The following WDR43 variants were observed in gnomAD, a reference collection of about 807,000 sequenced individuals.
WDR43 encodes WD repeat-containing protein 43.
Under a neutral mutation model 91.4 loss-of-function variants are expected in WDR43, and 13 were observed. The observed-to-expected ratio is 0.14, with a 90% CI of 0.09 to 0.23. The LOEUF is 0.23. Among genes scored for constraint, WDR43 ranks in the 10% least tolerant of loss-of-function variants. The pLI is 1.00. For synonymous variants in WDR43, 331 were observed against 287.9 expected, an observed-to-expected ratio of 1.15 and a Z score of -1.51; for missense variants, 780 against 809.4, an observed-to-expected ratio of 0.96 and a Z score of 0.44.
chr2:28,922,827 TG>T, intron 6 of WDR43, 91 bp from the exon 7 acceptor site: 1 of 563,318 alleles, frequency 1.8e-6, no homozygotes, highest in Non-Finnish European at 2.8e-6. Context: ...GGTTGTGTAA[TG>T]GGGTGGGAAG....
At chr2:28,903,059 A>G (rs1184615653) in intron 2 of WDR43, among the ~76,000 whole-genome samples, 3 of 152,158 alleles carry the variant, frequency 2.0e-5, no homozygotes, top group South Asian at 4.1e-4. Flanking sequence ...TCTTTGCTTT[A>G]TACATACATT....
At chr2:28,924,371 T>C (rs1304227010) in intron 7 of WDR43, among the ~76,000 whole-genome samples, 1 of 152,102 alleles carries the variant, frequency 6.6e-6, no homozygotes, top group African/African-American at 2.4e-5. Flanking sequence ...GTGACAACAA[T>C]TGAAAAGATT....
rs371378758 is a variant in WDR43 at position 28,946,471 on chromosome 2, A to C, written c.1826A>C (p.Asp609Ala). Residue 609 changes from aspartate to alanine, a missense_variant, in exon 17 of 18, where the codon GAT becomes GCT. By Grantham distance (126) the Asp-to-Ala change is moderately radical (BLOSUM62 -2). Around this residue, in one of 4 missense-constraint regions of WDR43, gnomAD observed 426 missense variants for 467.8 expected, o/e 0.91. Coordinates refer to ENST00000407426, the MANE Select transcript of WDR43 (RefSeq NM_015131.3). Reference sequence around the variant, plus strand: ...ACAGAGTCTTCTGAAGAGGAGTCTGATGATGAAATAGCAGATAAGGATTCT... The same window carrying C: ...ACAGAGTCTTCTGAAGAGGAGTCTGCTGATGAAATAGCAGATAAGGATTCT... ...YEEESSEEES[D>A]DEIADKDSED... 1 of 1,612,022 alleles carries C rather than the reference A, an allele frequency of 6.2e-7. No individual in the cohort carries two copies. Among genetic ancestry groups the C allele is most frequent in the South Asian group, 1.1e-5 (1 of 90,462 alleles).
chr2:28,948,064 T>C lies in WDR43; in HGVS notation c.*1285T>C, dbSNP rs980741814. ...AATGACAGAACAGAGATTTGTGTGC[T>C]CATCTTAAGAGCCAGAGCCATATAA... is the stretch of plus-strand genomic sequence containing the variant. On this transcript the variant is annotated 3_prime_UTR_variant, in exon 18 of 18. Transcript: ENST00000407426. 1.5e-4 allele frequency: 23 copies of C among 152,280 alleles called. No individual in the cohort carries two copies. The highest frequency in any genetic ancestry group is 5.5e-4 in the African/African-American group (23 of 41,552). The allele number at this position is 152,280 out of a possible 1,614,324, so 9.4% of individuals were successfully genotyped here. A position where few individuals can be genotyped will look rare whatever the true frequency, so the allele number is the denominator to read the frequency against.
chr2:28,935,357 C>A (rs1173555718), intron 11 of WDR43, among the ~76,000 whole-genome samples, 164 bp from the exon 12 acceptor site: 1 of 152,136 alleles, frequency 6.6e-6, no homozygotes, highest in Non-Finnish European at 1.5e-5. Flanking sequence ...ATATAACATA[C>A]TCCATTCAGT....
intron 11 of WDR43, among the ~76,000 whole-genome samples, chr2:28,931,642 T>C (rs1572599291): frequency 6.8e-6 from 1 of 146,718 alleles, no homozygotes; most frequent in East Asian, 2.5e-4. Flanking sequence ...CTAGAAGAGA[T>C]TCGGTTTAAA....
chr2:28,902,766 C>T (rs899117243), intron 2 of WDR43, among the ~76,000 whole-genome samples: 15 of 152,182 alleles, frequency 9.9e-5, no homozygotes, highest in Admixed American at 3.3e-4. Context: ...ACCTATGGAT[C>T]GAGCTGGGAA....
At position 28,941,562 on chromosome 2, in the gene WDR43, T is replaced by C; in HGVS notation, c.1722T>C (p.Leu574=). Residue 574 remains leucine, a synonymous_variant, in exon 15 of 18, where the codon CTT becomes CTC. Coordinates refer to ENST00000407426, the MANE Select transcript of WDR43 (RefSeq NM_015131.3). The part of the protein sequence containing the change: ...KLSHLHGKLI[L]LITQVTASEK... ...CACACCTTCATGGAAAGCTTATTCTTCTAATTACACAAGTGAGTAAATCAT... is the reference window on the plus strand; with the variant it reads ...CACACCTTCATGGAAAGCTTATTCTCCTAATTACACAAGTGAGTAAATCAT... 1 of 1,610,362 alleles carries C rather than the reference T, an allele frequency of 6.2e-7. No homozygotes were observed. Among genetic ancestry groups the C allele is most frequent in the Non-Finnish European group, 8.5e-7 (1 of 1,177,848 alleles).
chr2:28,902,737 A>G (rs990044171), intron 2 of WDR43, among the ~76,000 whole-genome samples: 5 of 152,192 alleles, frequency 3.3e-5, no homozygotes, highest in African/African-American at 1.2e-4. Context: ...GTCTCCCTCT[A>G]GCAGTTGCTA....
intron 1 of WDR43, among the ~76,000 whole-genome samples, chr2:28,901,527 A>G (rs1410538794): frequency 3.9e-5 from 6 of 152,362 alleles, no homozygotes; most frequent in Middle Eastern, 3.4e-3. Context: ...TTTCTTGACA[A>G]CTAAGCTAGA....
intron 8 of WDR43, among the ~76,000 whole-genome samples, chr2:28,925,410 G>A (rs979759488): frequency 2.6e-5 from 4 of 152,156 alleles, no homozygotes; most frequent in African/African-American, 4.8e-5. Context: ...AAAATCTGGT[G>A]TGTATTTTGC....
chr2:28,910,482 A>G (rs1042784524), intron 3 of WDR43, among the ~76,000 whole-genome samples: 1 of 152,096 alleles, frequency 6.6e-6, no homozygotes, highest in Non-Finnish European at 1.5e-5. Context: ...GTGTTTATCA[A>G]CAATTTGTAT....
chr2:28,902,107 T>G lies in WDR43; in HGVS notation c.346T>G (p.Leu116Val), dbSNP rs761173947. 2.0e-4 allele frequency: 310 copies of G among 1,575,764 alleles called. No individual in the cohort carries two copies. Among genetic ancestry groups the G allele is most frequent in the Non-Finnish European group, 2.3e-4 (272 of 1,161,874 alleles). Residue 116 changes from leucine (L) to valine (V), a missense_variant, in exon 2 of 18, where the codon TTA (leucine) becomes GTA (valine). Physicochemically the swap from Leu to Val is conservative, Grantham distance 32 (BLOSUM62 1). Coordinates refer to ENST00000407426, the MANE Select transcript of WDR43 (RefSeq NM_015131.3). ...ILLYSTVKGE[L>V]HSKLISGGHD... ...ATTATACAGCACAGTAAAAGGAGAGTTACACAGTAAATTAATAGTAAGTGT... is the reference window on the plus strand; with the variant it reads ...ATTATACAGCACAGTAAAAGGAGAGGTACACAGTAAATTAATAGTAAGTGT...
At chr2:28,896,968 A>G (rs1487920885) in intron 1 of WDR43, among the ~76,000 whole-genome samples, 8 of 152,186 alleles carry the variant, frequency 5.3e-5, no homozygotes, top group Admixed American at 3.3e-4. Context: ...TGCATTTTAA[A>G]AAAACTGATT....
At chr2:28,904,010 G>T (rs966465642) in intron 2 of WDR43, among the ~76,000 whole-genome samples, 1 of 151,968 alleles carries the variant, frequency 6.6e-6, no homozygotes, top group Non-Finnish European at 1.5e-5. Context: ...TTGTCATGTT[G>T]GCCATGCTGG....
chr2:28,905,216 A>G (rs144758718), intron 2 of WDR43, among the ~76,000 whole-genome samples: 2 of 152,280 alleles, frequency 1.3e-5, no homozygotes, highest in East Asian at 3.9e-4. Context: ...ACTAGGGGAT[A>G]ATGGATAATG....
chr2:28,914,044 C>T (rs1402757676), intron 4 of WDR43, 25 bp from the exon 5 acceptor site: 2 of 1,610,872 alleles, frequency 1.2e-6, no homozygotes, highest in Non-Finnish European at 1.7e-6. Context: ...ATCTGCTCTC[C>T]TAACTGAGAT....
chr2:28,927,182 T>C (rs968961008), intron 9 of WDR43: 1 of 516,700 alleles, frequency 1.9e-6, no homozygotes, highest in Admixed American at 2.0e-5. Flanking sequence ...AGTTGTAAAA[T>C]GTGTAACTTC....
intron 11 of WDR43, among the ~76,000 whole-genome samples, chr2:28,931,187 T>C (rs529085853): frequency 6.6e-6 from 1 of 151,606 alleles, no homozygotes; most frequent in South Asian, 2.1e-4. Flanking sequence ...GTTCAAGCAA[T>C]TCTCCTGCCT....
Sources: gnomAD v4.1 joint callset for allele counts (sites outside exome capture counted in the v4.1 genomes callset) on GRCh38, gnomAD v4.1.1 for gene constraint, gnomAD v4.1.1 regional missense constraint, MANE v1.5 for transcripts, NCBI Gene and HGNC (gene_info 2026-07-23, HGNC 2026-07-21) for gene names.